The following KIF1A variants were observed in gnomAD, a reference collection of about 807,000 sequenced individuals.
KIF1A encodes the protein kinesin-like protein KIF1A.
A neutral mutation model predicts 227.3 loss-of-function variants in KIF1A; 46 were observed. That is an observed-to-expected ratio of 0.20 (90% CI 0.16 to 0.26). The LOEUF (loss-of-function observed/expected upper bound fraction) is 0.26. KIF1A is among the 10% of genes least tolerant of loss of function. The pLI is 1.00. For missense variants in KIF1A, 1,683 were observed against 2,485.9 expected, an observed-to-expected ratio of 0.68 and a Z score of 6.87; for synonymous variants, 1,022 against 1,012.8, an observed-to-expected ratio of 1.01 and a Z score of -0.17.
rs973780439 is a variant in KIF1A, at chr2:240,736,276, T to C, written c.4007+787A>G. On this transcript the variant is annotated intron_variant, in intron 38 of 48. Coordinates refer to ENST00000498729, the MANE Select transcript of KIF1A (RefSeq NM_001244008.2). The surrounding 1 kb of genome is among the most constrained non-coding windows in gnomAD (Gnocchi z 4.7). Reference sequence around the variant, plus strand: ...CAGCTCTGAGGGTCCACTCTGGGCTTGTGCATCATGAGCCAGGTCGAGCCC... The same window carrying C: ...CAGCTCTGAGGGTCCACTCTGGGCTCGTGCATCATGAGCCAGGTCGAGCCC... Among the ~76,000 whole-genome samples, 2 of 152,046 alleles carry C rather than the reference T, an allele frequency of 1.3e-5. No individual in the cohort carries two copies. Among genetic ancestry groups the C allele is most frequent in the African/African-American group, 4.8e-5 (2 of 41,402 alleles).
intron 1 of KIF1A, among the ~76,000 whole-genome samples, chr2:240,817,790 T>C (rs1014518486): frequency 1.3e-5 from 2 of 151,928 alleles, no homozygotes; most frequent in African/African-American, 4.8e-5. Context: ...CATCTCCCCC[T>C]CCACCCTTCA....
chr2:240,718,414 C>T (rs1048345613), intron 47 of KIF1A, among the ~76,000 whole-genome samples: 2 of 152,232 alleles, frequency 1.3e-5, no homozygotes, highest in Admixed American at 1.3e-4. Context: ...GACGTGACTG[C>T]CCCTCATGGC....
At chr2:240,731,131 A>T (rs2046551414) in intron 38 of KIF1A, among the ~76,000 whole-genome samples, 1 of 152,156 alleles carries the variant, frequency 6.6e-6, no homozygotes, top group Admixed American at 6.5e-5. Context: ...GACAGGAGAG[A>T]TTTTACAGCT....
rs1397178821 is a variant in KIF1A at position 240,758,601 on chromosome 2, C to CA, written c.2445-105dup. 2 of 1,215,864 alleles carry CA rather than the reference C, an allele frequency of 1.6e-6. No homozygotes were observed. The highest frequency in any genetic ancestry group is 2.2e-6 in the Non-Finnish European group (2 of 919,768). 75.3% of individuals were successfully genotyped at this position (1,215,864 alleles called of 1,614,324 possible). On this transcript the variant is annotated intron_variant, in intron 25 of 48. Transcript: ENST00000498729. This position sits in a 1 kb window ranked among gnomAD's most constrained non-coding sequence, Gnocchi z 5.2. ...ACAGTGGGCTCAGCCTAGCTCTGGC[C>CA]ACCACATCCAGCTCAGGGTCATCAA... is the stretch of plus-strand genomic sequence containing the variant.
At chr2:240,819,596 C>T (rs1255290243) in intron 1 of KIF1A, among the ~76,000 whole-genome samples, 2 of 151,846 alleles carry the variant, frequency 1.3e-5, no homozygotes, top group African/African-American at 4.8e-5. Flanking sequence ...CGCGCCCGGC[C>T]GCCCTGCGCG....
At position 240,758,687 on chromosome 2, in the gene KIF1A, T is replaced by C. The variant is rs1469907040; in HGVS notation, c.2445-190A>G. Among the ~76,000 whole-genome samples the C allele has an allele frequency of 2.0e-5, 3 of 152,124 alleles. No homozygotes were observed. Among genetic ancestry groups the C allele is most frequent in the Non-Finnish European group, 4.4e-5 (3 of 68,016 alleles). On this transcript the variant is annotated intron_variant, in intron 25 of 48. Coordinates refer to ENST00000498729, the MANE Select transcript of KIF1A (RefSeq NM_001244008.2). This position sits in a 1 kb window ranked among gnomAD's most constrained non-coding sequence, Gnocchi z 5.2. Reference sequence around the variant, plus strand: ...ACCCTTAGAGCTGGTCAGTCACAAGTAACGTACTCAGCTAAGCACGCAAGG... The same window carrying C: ...ACCCTTAGAGCTGGTCAGTCACAAGCAACGTACTCAGCTAAGCACGCAAGG...
At position 240,757,250 on chromosome 2, in the gene KIF1A, T is replaced by C; in HGVS notation, c.2858+69A>G. On this transcript the variant is annotated intron_variant, in intron 27 of 48. Transcript: ENST00000498729. The surrounding 1 kb of genome is among the most constrained non-coding windows in gnomAD (Gnocchi z 6.2). ...GGGCCAGGCCCCAGCGGTTCCTCTG[T>C]GCCCGCAGCAGTGCTCCTGTGCAAA... 1.4e-6 allele frequency: 2 copies of C among 1,445,350 alleles called. No homozygotes were observed. The highest frequency in any genetic ancestry group is 5.0e-5 in the East Asian group (2 of 40,252). 89.5% of individuals were successfully genotyped at this position (1,445,350 alleles called of 1,614,324 possible).
intron 1 of KIF1A, among the ~76,000 whole-genome samples, chr2:240,819,285 G>C (rs1559554369): frequency 6.6e-6 from 1 of 152,122 alleles, no homozygotes; most frequent in Non-Finnish European, 1.5e-5. Flanking sequence ...CCCGGGCGCC[G>C]GGGGCGCGCC....
At chr2:240,759,845 A>C (rs2050301830) in intron 25 of KIF1A, among the ~76,000 whole-genome samples, 1 of 152,050 alleles carries the variant, frequency 6.6e-6, no homozygotes, top group Non-Finnish European at 1.5e-5. Context: ...CATCTCTACC[A>C]CAAAAAAAAT....
At position 240,751,663 on chromosome 2, in the gene KIF1A, G is replaced by C. The variant is rs149607131; in HGVS notation, c.2859-1116C>G. On this transcript the variant is annotated intron_variant, in intron 27 of 48. Transcript: ENST00000498729. ...CATGGCCCCCACAGCAGACAGAAAG[G>C]TCTTAAGGCACCAGTCAGACACATC... Among the ~76,000 whole-genome samples, 1,090 of 152,170 alleles carry C rather than the reference G, an allele frequency of 7.2e-3. 3 individuals are homozygous for C. Among genetic ancestry groups the C allele is most frequent in the Non-Finnish European group, 0.013 (850 of 67,976 alleles).
At chr2:240,734,053 A>C (rs1294209494) in intron 38 of KIF1A, among the ~76,000 whole-genome samples, 1 of 152,136 alleles carries the variant, frequency 6.6e-6, no homozygotes, top group Non-Finnish European at 1.5e-5. Context: ...CTGGGACTCT[A>C]TGGTCTCTTC....
At chr2:240,804,470 G>A (rs2126187847) in intron 1 of KIF1A, among the ~76,000 whole-genome samples, 1 of 152,224 alleles carries the variant, frequency 6.6e-6, no homozygotes, top group South Asian at 2.1e-4. Context: ...GAATTAAGGT[G>A]GCAACAAAGC....
Position 240,767,263 on chromosome 2 carries a change from C to T in KIF1A, c.1577+3G>A. ...CTGGAGTGGCTGCCAGGTCCCCTCT[C>T]ACCTGGTGATCCCATCCTTGATGTA... On this transcript the variant is annotated splice_donor_region_variant and intron_variant, in intron 18 of 48. Transcript: ENST00000498729. The T allele has an allele frequency of 6.2e-7, 1 of 1,610,356 alleles. No homozygotes were observed. Among genetic ancestry groups the T allele is most frequent in the Non-Finnish European group, 8.5e-7 (1 of 1,177,474 alleles).
rs1007596277 is a variant in KIF1A, at chr2:240,766,143, A to G, written c.1685-350T>C. Among the ~76,000 whole-genome samples the G allele has an allele frequency of 1.5e-4, 23 of 152,262 alleles. No individual in the cohort carries two copies. Among genetic ancestry groups the G allele is most frequent in the African/African-American group, 5.3e-4 (22 of 41,480 alleles). ...CCTGGGCCGTCCCACAGGAGAGGGT[A>G]GGCAGGGCTTTGCAGTCAGAGAATT... On this transcript the variant is annotated intron_variant, in intron 19 of 48. Transcript: ENST00000498729. The surrounding 1 kb of genome is among the most constrained non-coding windows in gnomAD (Gnocchi z 5.0).
In KIF1A at chr2:240,743,445, A is replaced by G. The variant is rs1416898673; in HGVS notation, c.3585-461T>C. Among the ~76,000 whole-genome samples, 9 of 152,272 alleles carry G rather than the reference A, an allele frequency of 5.9e-5. No individual in the cohort carries two copies. The East Asian group carries it at 1.7e-3, about 29-fold the overall frequency. ...TGGCCCAGGGTAGACACTCCTGTCC[A>G]CCTTCAAGGGTCTGGGTGAGATGGC... is the stretch of plus-strand genomic sequence containing the variant. On this transcript the variant is annotated intron_variant, in intron 33 of 48. Transcript: ENST00000498729.
In KIF1A at chr2:240,786,799, GGCT is replaced by G. The variant is rs1559530212; in HGVS notation, c.430-289_430-287del. On this transcript the variant is annotated intron_variant, in intron 5 of 48. Coordinates refer to ENST00000498729, the MANE Select transcript of KIF1A (RefSeq NM_001244008.2). ...CAGGACCCCTGAGTGAGGGGGTGGG[GGCT>G]GCCATCAGGACCCCTGAGTGAGAGG... Among the ~76,000 whole-genome samples, 765 of 130,928 alleles carry G rather than the reference GGCT, an allele frequency of 5.8e-3. 24 individuals carry two copies. The highest frequency in any genetic ancestry group is 0.011 in the African/African-American group (373 of 34,732). The allele number at this position is 130,928 out of a possible 152,430, so 85.9% of individuals were successfully genotyped here.
At chr2:240,722,246 A>T (rs1351782059) in intron 43 of KIF1A, among the ~76,000 whole-genome samples, 2 of 152,116 alleles carry the variant, frequency 1.3e-5, no homozygotes, top group Non-Finnish European at 2.9e-5. Flanking sequence ...ATCGCTTGGG[A>T]AGGGAGGCTG....
intron 38 of KIF1A, among the ~76,000 whole-genome samples, chr2:240,729,301 C>A (rs539680578): frequency 6.8e-6 from 1 of 146,102 alleles, no homozygotes; most frequent in East Asian, 1.9e-4. Context: ...CTTCCCCTTC[C>A]TTCTCTTCCA....
Position 240,721,010 on chromosome 2 carries a change from C to A in KIF1A, c.4772G>T (p.Arg1591Leu). The change falls in exon 45 of 49, where the codon CGG becomes CTG. Residue 1591 changes from arginine to leucine, a missense_variant. This residue lies in a region of KIF1A where 384 missense variants were observed against 410.1 expected (regional missense o/e 0.94). Transcript: ENST00000498729. ...KLSEMSVTLLRDPSMSPLGVA... is the reference protein window; with the variant it reads ...KLSEMSVTLLLDPSMSPLGVA... Reference sequence around the variant, plus strand: ...CCCTAGAGGGGACATCGACGGGTCCCGGAGCAGGGTGACAGACATCTCGGA... The same window carrying A: ...CCCTAGAGGGGACATCGACGGGTCCAGGAGCAGGGTGACAGACATCTCGGA... 1 of 1,611,290 alleles carries A rather than the reference C, an allele frequency of 6.2e-7. No homozygotes were observed. Among genetic ancestry groups the A allele is most frequent in the Non-Finnish European group, 8.5e-7 (1 of 1,179,300 alleles).
Sources: allele counts gnomAD v4.1 joint callset (sites outside exome capture counted in the v4.1 genomes callset), GRCh38; gene constraint gnomAD v4.1.1; regional missense constraint gnomAD v4.1.1; non-coding constraint Gnocchi (gnomAD v3.1); transcripts MANE v1.5; gene names NCBI Gene and HGNC (gene_info 2026-07-23, HGNC 2026-07-21).